Variants in TMEM51 observed in about 807,000 individuals in gnomAD.
TMEM51 encodes transmembrane protein 51.
TMEM51 carries 8 observed loss-of-function variants against 13.6 expected under a neutral mutation model. The ratio of observed to expected loss-of-function variants is 0.59; its 90% CI spans 0.35 to 1.07. The LOEUF is 1.07. Among genes scored for constraint, TMEM51 ranks in the 50% least tolerant of loss-of-function variants. The probability of loss-of-function intolerance (pLI) is 0.02; values close to 1 mark genes in which losing one functional copy is unlikely to be tolerated. For missense variants in TMEM51, 279 were observed against 330.7 expected (o/e 0.84, Z 1.21); for synonymous variants, 147 against 144.4 (o/e 1.02, Z -0.13).
intron 1 of TMEM51, among the ~76,000 whole-genome samples, chr1:15,166,085 GT>G (rs1642988217): frequency 6.6e-6 from 1 of 152,072 alleles, no homozygotes; most frequent in Non-Finnish European, 1.5e-5. Flanking sequence ...GCCATGGGGG[GT>G]TTCGATATTC....
chr1:15,214,947 T>A lies in TMEM51; in HGVS notation c.-141T>A, dbSNP rs1644402109. 1.2e-6 allele frequency: 1 copy of A among 835,084 alleles called. No homozygotes were observed. The highest frequency in any genetic ancestry group is 1.7e-5 in the African/African-American group (1 of 58,448). The allele number at this position is 835,084 out of a possible 1,614,324, so 51.7% of individuals were successfully genotyped here. On this transcript the variant is annotated 5_prime_UTR_variant, in exon 3 of 4. Coordinates refer to ENST00000376008, the MANE Select transcript of TMEM51 (RefSeq NM_001136218.2). ...GAGGCCTCGCGATTGCTCGGAACCA[T>A]CCCGCAGGAGTTCAGCTGATATTTT... is the stretch of plus-strand genomic sequence containing the variant.
intron 1 of TMEM51, among the ~76,000 whole-genome samples, chr1:15,195,327 A>T (rs1644025928): frequency 6.6e-6 from 1 of 152,184 alleles, no homozygotes; most frequent in South Asian, 2.1e-4. Context: ...ATTTTACTTG[A>T]TATATCCAAA....
intron 1 of TMEM51, among the ~76,000 whole-genome samples, chr1:15,176,608 C>T (rs574831240): frequency 1.3e-5 from 2 of 152,214 alleles, no homozygotes; most frequent in Non-Finnish European, 2.9e-5. Context: ...TGGACATGTT[C>T]AGGACATTAC....
At position 15,171,042 on chromosome 1, in the gene TMEM51, T is replaced by C. The variant is rs977055509; in HGVS notation, c.-267+17088T>C. The C allele has an allele frequency of 8.5e-5, 61 of 719,736 alleles. 1 individual carries two copies. In the South Asian group the frequency reaches 1.0e-3, roughly 12 times the overall value. 44.6% of individuals were successfully genotyped at this position (719,736 alleles called of 1,614,324 possible). A position where few individuals can be genotyped will look rare whatever the true frequency, so the allele number is the denominator to read the frequency against. ...AGTGGTTCTCCATCTTCAGCTTGTG[T>C]TAGAATCCTCTGGGGTGGGGGGCTT... is the stretch of plus-strand genomic sequence containing the variant. On this transcript the variant is annotated intron_variant, in intron 1 of 3. Transcript: ENST00000376008.
intron 1 of TMEM51, chr1:15,164,197 A>C (rs1642903578): frequency 2.6e-6 from 1 of 382,422 alleles, no homozygotes; most frequent in Non-Finnish European, 5.2e-6. Flanking sequence ...ACAACTAACT[A>C]AACTACAGAC....
At chr1:15,164,020 G>A (rs1447936304) in intron 1 of TMEM51, among the ~76,000 whole-genome samples, 2 of 151,902 alleles carry the variant, frequency 1.3e-5, no homozygotes, top group Non-Finnish European at 2.9e-5. Flanking sequence ...AGTAGAGACA[G>A]GGTTTCACCA....
intron 1 of TMEM51, among the ~76,000 whole-genome samples, chr1:15,188,731 C>T (rs1249244445): frequency 3.3e-5 from 5 of 152,246 alleles, no homozygotes; most frequent in African/African-American, 1.2e-4. Context: ...TGTGGGGGAC[C>T]TGGCACTGGG....
intron 1 of TMEM51, among the ~76,000 whole-genome samples, chr1:15,183,362 A>G (rs919042561): frequency 3.3e-5 from 5 of 152,222 alleles, no homozygotes; most frequent in Non-Finnish European, 5.9e-5. Context: ...TAAAAGGTAC[A>G]GTGATGGGAG....
rs573189156 is a variant in TMEM51, at chr1:15,207,633, G to A, written c.-266-2857G>A. On this transcript the variant is annotated intron_variant, in intron 1 of 3. Transcript: ENST00000376008. This position sits in a 1 kb window ranked among gnomAD's most constrained non-coding sequence, Gnocchi z 4.6. ...ACCCACTGCACAGCCCCTCCCTGCC[G>A]GCTCTGGTTGGCCAGGGGTGTGCAC... Among the ~76,000 whole-genome samples the A allele has an allele frequency of 3.2e-4, 49 of 152,226 alleles. No individual in the cohort carries two copies. The highest frequency in any genetic ancestry group is 1.1e-3 in the African/African-American group (47 of 41,530).
At chr1:15,160,962 T>C (rs1329719357) in intron 1 of TMEM51, among the ~76,000 whole-genome samples, 1 of 150,400 alleles carries the variant, frequency 6.6e-6, no homozygotes, top group African/African-American at 2.4e-5. Flanking sequence ...AGGAGGAGGC[T>C]TAACCCAAAC....
Position 15,219,846 on chromosome 1 carries a change from T to C in TMEM51, c.*103T>C. 7.3e-7 allele frequency: 1 copy of C among 1,365,742 alleles called. No individual in the cohort carries two copies. The highest frequency in any genetic ancestry group is 1.4e-5 in the South Asian group (1 of 72,212). The allele number at this position is 1,365,742 out of a possible 1,614,324, so 84.6% of individuals were successfully genotyped here. A position where few individuals can be genotyped will look rare whatever the true frequency, so the allele number is the denominator to read the frequency against. ...ACAGTTGAGAAGCGGAGGGGCCAGC[T>C]GTGCATGGAGCCATTTGGATGGCGG... On this transcript the variant is annotated 3_prime_UTR_variant, in exon 4 of 4. Transcript: ENST00000376008.
At chr1:15,170,907 T>C (rs1284729421) in intron 1 of TMEM51, among the ~76,000 whole-genome samples, 1 of 152,056 alleles carries the variant, frequency 6.6e-6, no homozygotes, top group East Asian at 1.9e-4. Flanking sequence ...TTTTTGTATT[T>C]TTAGTAGAGA....
chr1:15,191,461 G>A (rs1224890201), intron 1 of TMEM51, among the ~76,000 whole-genome samples: 7 of 152,156 alleles, frequency 4.6e-5, no homozygotes, highest in Admixed American at 2.6e-4. Context: ...TTTCACCCAC[G>A]TCGAGTCAGC....
At chr1:15,166,590 G>T (rs971196655) in intron 1 of TMEM51, among the ~76,000 whole-genome samples, 1 of 151,900 alleles carries the variant, frequency 6.6e-6, no homozygotes, top group African/African-American at 2.4e-5. Flanking sequence ...GTGGTGGCAG[G>T]TACCTGTAAT....
chr1:15,152,661 C>T (rs555925461), upstream of TMEM51: 1 of 152,398 alleles, frequency 6.6e-6, no homozygotes, highest in African/African-American at 2.4e-5. Context: ...GGAGCTGGCT[C>T]TTCCCTCTGT....
At chr1:15,163,246 T>C (rs1642854365) in intron 1 of TMEM51, among the ~76,000 whole-genome samples, 1 of 151,904 alleles carries the variant, frequency 6.6e-6, no homozygotes. Context: ...ACAAGTAAAA[T>C]AACAAATCAA....
chr1:15,181,600 GA>G (rs1036425614), intron 1 of TMEM51, among the ~76,000 whole-genome samples: 11 of 152,148 alleles, frequency 7.2e-5, no homozygotes, highest in African/African-American at 2.7e-4. Context: ...CTAAGTAAAC[GA>G]TGAGCTTCCC....
At chr1:15,211,449 T>G (rs1644336723) in intron 2 of TMEM51, among the ~76,000 whole-genome samples, 1 of 152,220 alleles carries the variant, frequency 6.6e-6, no homozygotes, top group South Asian at 2.1e-4. Context: ...AACAATTTTT[T>G]TTGTCTGTTT....
chr1:15,201,959 G>T (rs1644164226), intron 1 of TMEM51, among the ~76,000 whole-genome samples: 1 of 152,192 alleles, frequency 6.6e-6, no homozygotes, highest in Non-Finnish European at 1.5e-5. Context: ...TCGACTTTTG[G>T]CTTAAAAGCC....
Sources: gnomAD v4.1 joint callset for allele counts (sites outside exome capture counted in the v4.1 genomes callset) on GRCh38, gnomAD v4.1.1 for gene constraint, Gnocchi (gnomAD v3.1) non-coding constraint, MANE v1.5 for transcripts, NCBI Gene and HGNC (gene_info 2026-07-23, HGNC 2026-07-21) for gene names.